Variants in TNC observed in about 807,000 individuals in gnomAD.
The protein encoded by TNC is tenascin.
In TNC, 109 loss-of-function variants were observed where a neutral mutation model predicts 202.4. That is an observed-to-expected ratio of 0.54 (90% confidence interval 0.46 to 0.63). TNC has a LOEUF of 0.63. Ranked by LOEUF, TNC falls within the 30% of genes least tolerant of loss-of-function variation. The pLI, the probability that TNC is intolerant of heterozygous loss-of-function variation, is 0.00. For synonymous variants in TNC, 1,007 were observed against 1,089.7 expected, an observed-to-expected ratio of 0.92 and a Z score of 1.50; for missense variants, 2,756 against 2,833.3, an observed-to-expected ratio of 0.97 and a Z score of 0.62.
chr9:115,023,953 G>A lies in TNC; in HGVS notation c.6495+20C>T. 1 of 1,608,890 alleles carries A rather than the reference G, an allele frequency of 6.2e-7. No individual in the cohort carries two copies. The highest frequency in any genetic ancestry group is 8.5e-7 in the Non-Finnish European group (1 of 1,175,890). ...AGCTTCCCAAGCTTGGCCTGCTCTGGGCCCTCACGGTCCACTCACCTGACT... is the reference window on the plus strand; with the variant it reads ...AGCTTCCCAAGCTTGGCCTGCTCTGAGCCCTCACGGTCCACTCACCTGACT... On this transcript the variant is annotated intron_variant, in intron 27 of 27. Coordinates refer to ENST00000350763, the MANE Select transcript of TNC (RefSeq NM_002160.4).
At chr9:115,045,762 A>G (rs756011624) in intron 17 of TNC, among the ~76,000 whole-genome samples, 1 of 151,636 alleles carries the variant, frequency 6.6e-6, no homozygotes, top group Non-Finnish European at 1.5e-5. Flanking sequence ...AACTCCAAGG[A>G]CACTCTAGGT....
intron 1 of TNC, among the ~76,000 whole-genome samples, chr9:115,112,977 G>T (rs1422932332): frequency 6.6e-6 from 1 of 152,248 alleles, no homozygotes; most frequent in Non-Finnish European, 1.5e-5. Context: ...CAGGCTGGTT[G>T]CAGGGATGTG....
In TNC at chr9:115,086,020, C is replaced by G; in HGVS notation, c.1711G>C (p.Gly571Arg). ...QRCPSDCHGQGRCVDGQCICH... is the reference protein window; with the variant it reads ...QRCPSDCHGQRRCVDGQCICH... ...ATGCACTGGCCGTCCACGCAGCGGC[C>G]CTGGCCATGACAGTCACTGGGACAT... The change falls in exon 3 of 28, where the codon GGC (glycine) becomes CGC (arginine). Residue 571 changes from glycine (G) to arginine (R), a missense_variant. This residue lies in a region of TNC where 2,559 missense variants were observed against 2,546.0 expected (regional missense o/e 1.01). Coordinates refer to ENST00000350763, the MANE Select transcript of TNC (RefSeq NM_002160.4). The G allele has an allele frequency of 1.2e-6, 2 of 1,614,096 alleles. No individual in the cohort carries two copies. Among genetic ancestry groups the G allele is most frequent in the Non-Finnish European group, 1.7e-6 (2 of 1,179,982 alleles).
chr9:115,073,491 G>A, intron 10 of TNC, 112 bp downstream of exon 10: 3 of 1,333,804 alleles, frequency 2.2e-6, no homozygotes, highest in Non-Finnish European at 3.1e-6. Context: ...CAGAGATGGA[G>A]AAAGTGGCTT....
chr9:115,063,850 G>T lies in TNC; in HGVS notation c.3706C>A (p.Arg1236Ser). ...KAATHYTITIRGVTQDFSTTP... is the reference protein window; with the variant it reads ...KAATHYTITISGVTQDFSTTP... ...GTGCTGAAGTCCTGAGTGACCCCGC[G>T]GATGGTGATGGTATAATGAGTGGCT... Residue 1236 changes from arginine (R) to serine (S), a missense_variant, in exon 12 of 28, where the codon CGC becomes AGC. By Grantham distance (110) the Arg-to-Ser change is moderately radical. This residue lies in a region of TNC where 2,559 missense variants were observed against 2,546.0 expected (regional missense o/e 1.01). Coordinates refer to ENST00000350763, the MANE Select transcript of TNC (RefSeq NM_002160.4). 1 of 1,614,134 alleles carries T rather than the reference G, an allele frequency of 6.2e-7. No individual in the cohort carries two copies. Among genetic ancestry groups the T allele is most frequent in the Non-Finnish European group, 8.5e-7 (1 of 1,180,012 alleles).
rs751601872 is a variant in TNC at position 115,063,775 on chromosome 9, T to C, written c.3760+21A>G. On this transcript the variant is annotated intron_variant, in intron 12 of 27. Transcript: ENST00000350763. ...CAGAGACAAAGGGGAGGAAGTGAATTAGTGAATTCGTCTAGAATACCTGTC... is the reference window on the plus strand; with the variant it reads ...CAGAGACAAAGGGGAGGAAGTGAATCAGTGAATTCGTCTAGAATACCTGTC... The C allele has an allele frequency of 1.2e-5, 19 of 1,597,320 alleles. No homozygotes were observed. In the South Asian group the frequency reaches 1.3e-4, roughly 11 times the overall value.
rs144798276 is a variant in TNC at position 115,064,728 on chromosome 9, C to T, written c.3406G>A (p.Ala1136Thr). 3.1e-6 allele frequency: 5 copies of T among 1,614,076 alleles called. No homozygotes were observed. The African/African-American group carries it at 5.3e-5, about 17-fold the overall frequency. The change falls in exon 11 of 28, where the codon GCT (alanine) becomes ACT (threonine). Residue 1136 changes from alanine to threonine, a missense_variant. Coordinates refer to ENST00000350763, the MANE Select transcript of TNC (RefSeq NM_002160.4). ...ATGGAGACTGTATAAGGCGTAGCAGCCTTGAGGCCCGGTATGTCCACAGCC... is the reference window on the plus strand; with the variant it reads ...ATGGAGACTGTATAAGGCGTAGCAGTCTTGAGGCCCGGTATGTCCACAGCC... ...LRAVDIPGLKAATPYTVSIYG... is the reference protein window; with the variant it reads ...LRAVDIPGLKTATPYTVSIYG...
At chr9:115,050,812 T>A (rs1009229729) in intron 15 of TNC, among the ~76,000 whole-genome samples, 3 of 152,164 alleles carry the variant, frequency 2.0e-5, no homozygotes, top group African/African-American at 7.2e-5. Context: ...GCCTGTGGTA[T>A]CCTCTCTCCA....
intron 24 of TNC, 94 bp downstream of exon 24, chr9:115,030,160 G>A (rs1829836111): frequency 2.6e-5 from 34 of 1,289,458 alleles, no homozygotes; most frequent in Non-Finnish European, 3.5e-5. Flanking sequence ...GTGTCAGAGT[G>A]CATCAGGAGG....
intron 25 of TNC, 74 bp from the exon 26 acceptor site, chr9:115,026,769 G>A: frequency 6.7e-7 from 1 of 1,501,330 alleles, no homozygotes; most frequent in South Asian, 1.2e-5. Context: ...CTCTGTAAAA[G>A]CGGCAACTGG....
intron 10 of TNC, 87 bp from the exon 11 acceptor site, chr9:115,065,006 C>T (rs1832837205): frequency 6.8e-7 from 1 of 1,473,562 alleles, no homozygotes; most frequent in Non-Finnish European, 9.2e-7. Flanking sequence ...CCCAATGCCA[C>T]ATCTATAGGC....
rs1480346053 is a variant in TNC at position 115,076,135 on chromosome 9, G to A, written c.2861-14C>T. The A allele has an allele frequency of 6.2e-7, 1 of 1,610,562 alleles. No homozygotes were observed. Among genetic ancestry groups the A allele is most frequent in the African/African-American group, 1.3e-5 (1 of 74,836 alleles). On this transcript the variant is annotated splice_polypyrimidine_tract_variant and intron_variant, in intron 8 of 27. Transcript: ENST00000350763. The stretch of plus-strand genomic sequence containing the variant: ...CCGGCCTCAGACCTAAGGAGAGAAT[G>A]TGCAAGTTGAGATTCATCCTGAAAT...
rs1421350314 is a variant in TNC, at chr9:115,019,749, T to C, written c.*1408A>G. ...TCAAATGGATAACATAATTTATTCT[T>C]CACAAAAATGTTCTGAAATGAGAAG... On this transcript the variant is annotated 3_prime_UTR_variant, in exon 28 of 28. Transcript: ENST00000350763. 1.3e-5 allele frequency: 2 copies of C among 152,230 alleles called. No homozygotes were observed. Among genetic ancestry groups the C allele is most frequent in the African/African-American group, 4.8e-5 (2 of 41,454 alleles). The allele number at this position is 152,230 out of a possible 1,614,324, so 9.4% of individuals were successfully genotyped here. A position where few individuals can be genotyped will look rare whatever the true frequency, so the allele number is the denominator to read the frequency against.
chr9:115,104,319 T>C (rs1200807426), intron 1 of TNC, among the ~76,000 whole-genome samples: 1 of 152,198 alleles, frequency 6.6e-6, no homozygotes, highest in African/African-American at 2.4e-5. Context: ...GAAGAACCGA[T>C]TACAGACAGA....
chr9:115,104,100 G>A (rs1361273522), intron 1 of TNC, among the ~76,000 whole-genome samples: 4 of 152,106 alleles, frequency 2.6e-5, no homozygotes, highest in Non-Finnish European at 5.9e-5. Flanking sequence ...AAGTGGTTCT[G>A]GACAAGTGGC....
intron 21 of TNC, 107 bp downstream of exon 21, chr9:115,035,991 A>G: frequency 7.5e-7 from 1 of 1,338,132 alleles, no homozygotes; most frequent in Non-Finnish European, 1.0e-6. Flanking sequence ...TCACATTGCA[A>G]GGCCCTGACT....
chr9:115,101,314 C>T (rs924734024), intron 1 of TNC, among the ~76,000 whole-genome samples: 25 of 152,272 alleles, frequency 1.6e-4, no homozygotes, highest in Admixed American at 8.5e-4. Context: ...CAGGTTCAAG[C>T]GATTCTCTTG....
At position 115,081,788 on chromosome 9, in the gene TNC, C is replaced by T. The variant is rs770395526; in HGVS notation, c.2388G>A (p.Lys796=). ...GATACTCACGTGTGGTGGTCACCCT[C>T]TTCAGGCCAGGGCCCCGGGTATTGT... ...VKNNTRGPGL[K]RVTTTRLDAP... The change falls in exon 6 of 28, where the codon AAG becomes AAA. Residue 796 remains lysine, a synonymous_variant. Coordinates refer to ENST00000350763, the MANE Select transcript of TNC (RefSeq NM_002160.4). 10 of 1,614,022 alleles carry T rather than the reference C, an allele frequency of 6.2e-6. No homozygotes were observed. Among genetic ancestry groups the T allele is most frequent in the South Asian group, 1.1e-5 (1 of 91,070 alleles).
Position 115,021,256 on chromosome 9 carries a change from C to T in TNC, c.6507G>A (p.Trp2169Ter). The change falls in exon 28 of 28, where the codon TGG becomes TGA. Residue 2169 changes from tryptophan (W) to a stop codon, truncating the protein, a stop_gained. Coordinates refer to ENST00000350763, the MANE Select transcript of TNC (RefSeq NM_002160.4). LOFTEE classifies it high-confidence loss of function. ...GDNNHSQGVN[W>*]FHWKGHEHSI... ...AGTGTTCGTGGCCCTTCCAGTGGAA[C>T]CAGTTAACGCCCTGTTAAAAAAAAA... 6.2e-7 allele frequency: 1 copy of T among 1,603,254 alleles called. No homozygotes were observed. The highest frequency in any genetic ancestry group is 8.5e-7 in the Non-Finnish European group (1 of 1,174,020).
Sources: gnomAD v4.1 joint callset for allele counts (sites outside exome capture counted in the v4.1 genomes callset) on GRCh38, gnomAD v4.1.1 for gene constraint, gnomAD v4.1.1 regional missense constraint, MANE v1.5 for transcripts, NCBI Gene and HGNC (gene_info 2026-07-23, HGNC 2026-07-21) for gene names.